Variants in ATRNL1 observed in about 807,000 individuals in gnomAD.
ATRNL1 encodes the protein attractin like 1.
In ATRNL1, 95 loss-of-function variants were observed where a neutral mutation model predicts 182.7. The observed-to-expected ratio is 0.52, with a 90% CI of 0.44 to 0.62. ATRNL1 has a LOEUF of 0.62. Among genes scored for constraint, ATRNL1 ranks in the 20% least tolerant of loss-of-function variants. The pLI is 0.00. For synonymous variants in ATRNL1, 576 were observed against 568.3 expected (o/e 1.01, Z -0.19); for missense variants, 1,471 against 1,679.5 (o/e 0.88, Z 2.17).
intron 24 of ATRNL1, among the ~76,000 whole-genome samples, chr10:115,502,215 G>A: frequency 6.6e-6 from 1 of 151,956 alleles, no homozygotes; most frequent in East Asian, 1.9e-4. Flanking sequence ...AAAACCACGT[G>A]CCATTTTGTA....
intron 26 of ATRNL1, among the ~76,000 whole-genome samples, chr10:115,612,025 T>C (rs180946499): frequency 1.3e-5 from 2 of 152,004 alleles, no homozygotes; most frequent in Non-Finnish European, 2.9e-5. Context: ...CCGAGGCAAG[T>C]GGATCACCTG....
intron 15 of ATRNL1, among the ~76,000 whole-genome samples, chr10:115,291,643 G>A (rs1554920851): frequency 6.6e-6 from 1 of 151,814 alleles, no homozygotes; most frequent in Non-Finnish European, 1.5e-5. Flanking sequence ...TCCTTCTATC[G>A]ATGTGATATT....
intron 5 of ATRNL1, among the ~76,000 whole-genome samples, chr10:115,132,578 T>C (rs576484324): frequency 0.018 from 2,741 of 152,118 alleles, 34 homozygotes; most frequent in Non-Finnish European, 0.029. Flanking sequence ...TTCTCCACAT[T>C]CTCTCCAGCA....
intron 2 of ATRNL1, 75 bp downstream of exon 2, chr10:115,120,343 A>T (rs548251650): frequency 2.7e-6 from 2 of 748,808 alleles, no homozygotes; most frequent in Admixed American, 5.6e-5. Context: ...ATGTCAGAGC[A>T]TTAGAGTATA....
At chr10:115,275,477 T>C (rs1219928415) in intron 13 of ATRNL1, among the ~76,000 whole-genome samples, 3 of 152,208 alleles carry the variant, frequency 2.0e-5, no homozygotes, top group Non-Finnish European at 4.4e-5. Flanking sequence ...AACTCACCAA[T>C]GCCATAGATG....
In ATRNL1 at chr10:115,452,997, A is replaced by G. The variant is rs569757687; in HGVS notation, c.3323-8944A>G. Among the ~76,000 whole-genome samples, 90 of 152,252 alleles carry G rather than the reference A, an allele frequency of 5.9e-4. 1 individual carries two copies. The highest frequency in any genetic ancestry group is 2.0e-3 in the African/African-American group (85 of 41,572). ...ACTTAGCATCATGTTCTCCAGGTCT[A>G]TCTATGTTGTTGCAAATGGCAGAAT... On this transcript the variant is annotated intron_variant, in intron 21 of 28. Transcript: ENST00000355044.
chr10:115,120,514 CA>C (rs1189643111), intron 2 of ATRNL1, among the ~76,000 whole-genome samples: 2 of 151,846 alleles, frequency 1.3e-5, no homozygotes, highest in African/African-American at 4.8e-5. Context: ...ATTGAGTAGG[CA>C]TTTTTTTGGT....
At chr10:115,154,996 C>T (rs1406509977) in intron 5 of ATRNL1, among the ~76,000 whole-genome samples, 7 of 152,126 alleles carry the variant, frequency 4.6e-5, no homozygotes, top group South Asian at 2.1e-4. Context: ...GTGATGGCTA[C>T]ATATTTGTTT....
intron 28 of ATRNL1, among the ~76,000 whole-genome samples, chr10:115,934,259 T>G (rs1953489988): frequency 6.6e-6 from 1 of 152,188 alleles, no homozygotes; most frequent in Non-Finnish European, 1.5e-5. Flanking sequence ...AAACTTCGAT[T>G]TTGTTAAACC....
chr10:115,600,328 C>T (rs1856522430), intron 26 of ATRNL1, among the ~76,000 whole-genome samples: 1 of 152,110 alleles, frequency 6.6e-6, no homozygotes, highest in Admixed American at 6.5e-5. Flanking sequence ...AAATGCCAAA[C>T]CCTCTTCCAA....
At chr10:115,904,406 A>T (rs1482539966) in intron 28 of ATRNL1, among the ~76,000 whole-genome samples, 3 of 152,176 alleles carry the variant, frequency 2.0e-5, no homozygotes, top group African/African-American at 7.2e-5. Flanking sequence ...TGTTGCCCTC[A>T]GAAGAGATCA....
intron 26 of ATRNL1, among the ~76,000 whole-genome samples, chr10:115,637,596 T>TTTA (rs1555028647): frequency 2.1e-5 from 2 of 97,302 alleles, no homozygotes; most frequent in Admixed American, 1.3e-4. Context: ...CTAAAGTCAA[T>TTTA]TTATTACTAT....
chr10:115,366,355 G>A (rs1554945914), intron 19 of ATRNL1, among the ~76,000 whole-genome samples: 1 of 151,022 alleles, frequency 6.6e-6, no homozygotes, highest in Non-Finnish European at 1.5e-5. Context: ...GCCTTTTTTT[G>A]TTTTCCATTT....
chr10:115,222,338 C>T (rs563264568), intron 9 of ATRNL1, among the ~76,000 whole-genome samples: 7 of 152,094 alleles, frequency 4.6e-5, no homozygotes, highest in Admixed American at 3.9e-4. Context: ...ATTGTCTAAC[C>T]CACATGTGTA....
At chr10:115,659,470 C>T (rs1359907161) in intron 26 of ATRNL1, among the ~76,000 whole-genome samples, 1 of 152,062 alleles carries the variant, frequency 6.6e-6, no homozygotes, top group Non-Finnish European at 1.5e-5. Context: ...GTCAGGCAGT[C>T]TCCTGGGCCC....
chr10:115,623,414 A>T (rs1022366319), intron 26 of ATRNL1, among the ~76,000 whole-genome samples: 9 of 152,202 alleles, frequency 5.9e-5, no homozygotes, highest in African/African-American at 9.6e-5. Context: ...ATTGAGGTAG[A>T]AATTAGAAAA....
intron 26 of ATRNL1, among the ~76,000 whole-genome samples, chr10:115,576,189 A>G (rs1211936138): frequency 6.6e-6 from 1 of 152,064 alleles, no homozygotes; most frequent in Non-Finnish European, 1.5e-5. Context: ...ATAATGCTGC[A>G]GTGAACATGG....
At chr10:115,851,030 A>C (rs1555100348) in intron 28 of ATRNL1, among the ~76,000 whole-genome samples, 1 of 152,356 alleles carries the variant, frequency 6.6e-6, no homozygotes, top group South Asian at 2.1e-4. Flanking sequence ...TTCATTATTA[A>C]GAGTCTTCTT....
At chr10:115,642,049 T>A (rs1859282381) in intron 26 of ATRNL1, among the ~76,000 whole-genome samples, 1 of 152,130 alleles carries the variant, frequency 6.6e-6, no homozygotes, top group Non-Finnish European at 1.5e-5. Context: ...TATTACTATA[T>A]ATGTGAACCT....
Sources: allele counts gnomAD v4.1 joint callset (sites outside exome capture counted in the v4.1 genomes callset), GRCh38; gene constraint gnomAD v4.1.1; transcripts MANE v1.5; gene names NCBI Gene and HGNC (gene_info 2026-07-23, HGNC 2026-07-21).